Variants in SGCD observed in about 807,000 individuals in gnomAD.
SGCD encodes sarcoglycan delta, also known as delta-sarcoglycan.
In SGCD, 18 loss-of-function variants were observed where a neutral mutation model predicts 36.6. The observed-to-expected ratio is 0.49, with a 90% CI of 0.34 to 0.73. SGCD has a LOEUF of 0.73. SGCD is among the 30% of genes least tolerant of loss of function. SGCD has a pLI of 0.01. For synonymous variants in SGCD, 133 were observed against 130.6 expected (o/e 1.02, Z -0.12); for missense variants, 387 against 346.7 (o/e 1.12, Z -0.92).
At chr5:156,282,399 G>A (rs1766477360) in intron 3 of SGCD, among the ~76,000 whole-genome samples, 1 of 152,166 alleles carries the variant, frequency 6.6e-6, no homozygotes, top group African/African-American at 2.4e-5. Context: ...ACCCCTCCCA[G>A]CAGAGTTGCT....
the SGCD span, among the ~76,000 whole-genome samples, chr5:155,748,100 T>C: frequency 6.6e-6 from 1 of 152,074 alleles, no homozygotes; most frequent in South Asian, 2.1e-4. Flanking sequence ...CTGACCTTTG[T>C]TTTTTTCTTG....
At chr5:156,422,851 G>A (rs2127779278) in intron 3 of SGCD, among the ~76,000 whole-genome samples, 1 of 152,002 alleles carries the variant, frequency 6.6e-6, no homozygotes, top group South Asian at 2.1e-4. Context: ...CCTTGTCCCA[G>A]TTGAGAACCA....
intron 3 of SGCD, among the ~76,000 whole-genome samples, chr5:156,313,230 A>C (rs1282179470): frequency 6.6e-6 from 1 of 151,754 alleles, no homozygotes; most frequent in East Asian, 1.9e-4. Flanking sequence ...TCATATGGTA[A>C]AAAAAAAGCC....
At chr5:156,393,096 C>T (rs752568008) in intron 3 of SGCD, among the ~76,000 whole-genome samples, 2 of 152,196 alleles carry the variant, frequency 1.3e-5, no homozygotes, top group African/African-American at 2.4e-5. Context: ...TTCCCTGCCC[C>T]GCTTCCATAT....
chr5:156,695,132 G>T (rs1012865320), intron 7 of SGCD, among the ~76,000 whole-genome samples: 71 of 111,676 alleles, frequency 6.4e-4, no homozygotes, highest in African/African-American at 9.3e-4. Flanking sequence ...GTGTGTGTGT[G>T]TGTGTTTGTG....
intron 6 of SGCD, among the ~76,000 whole-genome samples, chr5:156,609,980 A>T (rs1374546091): frequency 6.6e-6 from 1 of 152,076 alleles, no homozygotes; most frequent in Non-Finnish European, 1.5e-5. Context: ...CTTCTTTGCC[A>T]TGGGTTCCAA....
intron 1 of SGCD, among the ~76,000 whole-genome samples, chr5:155,950,505 T>A (rs1757527848): frequency 6.6e-6 from 1 of 152,142 alleles, no homozygotes; most frequent in African/African-American, 2.4e-5. Flanking sequence ...GTTCCCTGAT[T>A]AGTTTAAATC....
At chr5:156,745,430 C>T (rs1756900780) in intron 7 of SGCD, among the ~76,000 whole-genome samples, 1 of 152,148 alleles carries the variant, frequency 6.6e-6, no homozygotes, top group African/African-American at 2.4e-5. Flanking sequence ...TTCACGGTGG[C>T]ACCAGTGAGT....
chr5:156,607,362 A>T (rs185683832), intron 6 of SGCD, among the ~76,000 whole-genome samples: 308 of 152,294 alleles, frequency 2.0e-3, no homozygotes, highest in African/African-American at 7.0e-3. Flanking sequence ...TGGTTTGTGT[A>T]TGTTGAACCA....
At chr5:156,649,712 G>T (rs772968040) in intron 7 of SGCD, among the ~76,000 whole-genome samples, 7 of 151,540 alleles carry the variant, frequency 4.6e-5, no homozygotes, top group Non-Finnish European at 7.4e-5. Flanking sequence ...GGCCTGTTGT[G>T]GGGTGGGGGG....
At chr5:156,549,903 C>T (rs143533577) in intron 4 of SGCD, among the ~76,000 whole-genome samples, 2 of 152,302 alleles carry the variant, frequency 1.3e-5, no homozygotes, top group Non-Finnish European at 2.9e-5. Context: ...AAAGTGGAAA[C>T]TGAATGCAAA....
intron 3 of SGCD, among the ~76,000 whole-genome samples, chr5:156,271,336 G>A (rs1484459439): frequency 1.3e-5 from 2 of 152,048 alleles, no homozygotes; most frequent in African/African-American, 2.4e-5. Context: ...GGGTCCTGCA[G>A]TTTATGGAAA....
chr5:155,952,316 C>T (rs749953705), intron 1 of SGCD, among the ~76,000 whole-genome samples: 1 of 152,052 alleles, frequency 6.6e-6, no homozygotes, highest in Non-Finnish European at 1.5e-5. Context: ...ATGCATTATA[C>T]TGCGTCAAAG....
intron 3 of SGCD, among the ~76,000 whole-genome samples, chr5:156,251,605 CTG>C: frequency 6.6e-6 from 1 of 151,922 alleles, no homozygotes; most frequent in Admixed American, 6.6e-5. Flanking sequence ...ACCTCTGCCT[CTG>C]CGGTTCAAGC....
intron 7 of SGCD, among the ~76,000 whole-genome samples, chr5:156,647,950 G>A (rs1397211964): frequency 2.0e-5 from 3 of 152,134 alleles, no homozygotes; most frequent in Admixed American, 2.0e-4. Context: ...GGGTGGTATG[G>A]TACTAGAAAG....
chr5:156,202,265 A>G (rs1261594479), intron 3 of SGCD, among the ~76,000 whole-genome samples: 2 of 152,148 alleles, frequency 1.3e-5, no homozygotes, highest in Admixed American at 6.5e-5. Context: ...GAATTTAGCA[A>G]TGTTCTCAGT....
intron 1 of SGCD, among the ~76,000 whole-genome samples, chr5:156,016,669 T>C (rs781239967): frequency 5.9e-5 from 9 of 152,140 alleles, no homozygotes; most frequent in African/African-American, 9.7e-5. Context: ...GTCTTGTAAT[T>C]TGCCGTGTTT....
chr5:156,122,843 T>TTAAA lies in SGCD; in HGVS notation c.-207-1013_-207-1012insTAAA, dbSNP rs1762076620. ...ACCAGCATGGTAGTAAAAGATGTGG[T>TTAAA]AAAAAAAAAAAAAAAAAAAAAAAAA... On this transcript the variant is annotated intron_variant, in intron 2 of 9. Coordinates refer to the SGCD transcript ENST00000517913. Among the ~76,000 whole-genome samples the TTAAA allele has an allele frequency of 1.3e-4, 7 of 54,156 alleles. 1 individual carries two copies. The highest frequency in any genetic ancestry group is 8.1e-5 in the African/African-American group (1 of 12,318). 35.5% of individuals were successfully genotyped at this position (54,156 alleles called of 152,430 possible). A position where few individuals can be genotyped will look rare whatever the true frequency, so the allele number is the denominator to read the frequency against.
At position 156,764,246 on chromosome 5, in the gene SGCD, C is replaced by T. The variant is rs568042056; in HGVS notation, c.*4856C>T. 2.6e-5 allele frequency: 4 copies of T among 152,716 alleles called. No homozygotes were observed. The South Asian group carries it at 8.3e-4, about 32-fold the overall frequency. 9.5% of individuals were successfully genotyped at this position (152,716 alleles called of 1,614,324 possible). On this transcript the variant is annotated 3_prime_UTR_variant, in exon 9 of 9. Coordinates refer to ENST00000337851, the MANE Select transcript of SGCD (RefSeq NM_000337.6). ...ACTATCTCCGTGGTGGAAGGTTCCC[C>T]TAGTTCCAACATATTTCCATTAAAA...
Sources: allele counts gnomAD v4.1 joint callset (sites outside exome capture counted in the v4.1 genomes callset), GRCh38; gene constraint gnomAD v4.1.1; transcripts MANE v1.5; gene names NCBI Gene and HGNC (gene_info 2026-07-23, HGNC 2026-07-21).